Variants in CPT1A observed in about 807,000 individuals in gnomAD.
CPT1A encodes the protein carnitine palmitoyltransferase 1A.
In CPT1A, 64 loss-of-function variants were observed where a neutral mutation model predicts 100.8. The observed-to-expected ratio is 0.63, with a 90% CI of 0.52 to 0.78. The LOEUF (loss-of-function observed/expected upper bound fraction) is 0.78, where lower values mean the gene tolerates loss of function less well. Among genes scored for constraint, CPT1A ranks in the 30% least tolerant of loss-of-function variants. The probability of loss-of-function intolerance (pLI) is 0.00; values close to 1 mark genes in which losing one functional copy is unlikely to be tolerated. For missense variants in CPT1A, 802 were observed against 1,034.1 expected (o/e 0.78, Z 3.08); for synonymous variants, 363 against 396.0 (o/e 0.92, Z 0.99).
intron 2 of CPT1A, among the ~76,000 whole-genome samples, chr11:68,813,608 A>G (rs1856285321): frequency 6.7e-6 from 1 of 149,674 alleles, no homozygotes; most frequent in Non-Finnish European, 1.5e-5. Context: ...TGGATGAGAC[A>G]GGAGGATTGC....
At chr11:68,837,931 G>T (rs1214643658) in intron 1 of CPT1A, among the ~76,000 whole-genome samples, 1 of 152,188 alleles carries the variant, frequency 6.6e-6, no homozygotes. Flanking sequence ...TGAATGTAAG[G>T]GTGAGTTAGG....
intron 12 of CPT1A, among the ~76,000 whole-genome samples, chr11:68,780,130 G>A (rs1406207851): frequency 1.3e-5 from 2 of 152,180 alleles, no homozygotes; most frequent in African/African-American, 4.8e-5. Flanking sequence ...ATGCACTGCT[G>A]TTCAAGGGAC....
chr11:68,830,431 A>C (rs181878224), intron 1 of CPT1A, among the ~76,000 whole-genome samples: 185 of 152,284 alleles, frequency 1.2e-3, no homozygotes, highest in African/African-American at 4.3e-3. Flanking sequence ...GCCAGGCCAC[A>C]TGCCATCCTG....
At chr11:68,825,023 T>C (rs57026200) in intron 1 of CPT1A, among the ~76,000 whole-genome samples, 5,463 of 152,144 alleles carry the variant, frequency 0.036, 327 homozygotes, top group African/African-American at 0.12. Flanking sequence ...GGTCTTGAAC[T>C]CCTGACCTCA....
chr11:68,781,221 A>G (rs906088093), intron 11 of CPT1A, among the ~76,000 whole-genome samples: 4 of 152,218 alleles, frequency 2.6e-5, no homozygotes, highest in Non-Finnish European at 5.9e-5. Context: ...GCAGCCCTGC[A>G]TCTCATGAGC....
chr11:68,782,709 C>T (rs976482424), intron 10 of CPT1A, among the ~76,000 whole-genome samples: 10 of 152,334 alleles, frequency 6.6e-5, no homozygotes, highest in African/African-American at 1.9e-4. Context: ...CCTTCCAGAT[C>T]GGGGCCATCT....
chr11:68,797,096 T>C (rs2154000037), intron 6 of CPT1A, among the ~76,000 whole-genome samples, 163 bp from the exon 7 acceptor site: 1 of 152,120 alleles, frequency 6.6e-6, no homozygotes, highest in South Asian at 2.1e-4. Flanking sequence ...CCTAACTAGA[T>C]GGAATGCGAC....
downstream of CPT1A, chr11:68,754,759 A>C (rs1305736452): frequency 1.3e-6 from 1 of 777,492 alleles, no homozygotes; most frequent in African/African-American, 1.7e-5. Context: ...GAACTTGGTG[A>C]TGTCCATGGT....
chr11:68,838,043 C>T (rs1857053624), intron 1 of CPT1A, among the ~76,000 whole-genome samples: 1 of 151,996 alleles, frequency 6.6e-6, no homozygotes, highest in East Asian at 1.9e-4. Flanking sequence ...ACAAACCACC[C>T]GCATCAGGAG....
Position 68,762,690 on chromosome 11 carries a change from G to A in CPT1A, c.1812C>T (p.Thr604=), listed in dbSNP as rs772047118. 22 of 1,613,882 alleles carry A rather than the reference G, an allele frequency of 1.4e-5. No homozygotes were observed. The highest frequency in any genetic ancestry group is 8.3e-5 in the Admixed American group (5 of 60,006). ...ATGACTCAGTGGTGCAGGAGCGCACGGTCTCCGTCCTCCCCTCTCGGAAGA... is the reference window on the plus strand; with the variant it reads ...ATGACTCAGTGGTGCAGGAGCGCACAGTCTCCGTCCTCCCCTCTCGGAAGA... ...TRLFREGRTE[T]VRSCTTESCD... The change falls in exon 15 of 19, where the codon ACC becomes ACT. Residue 604 remains threonine, a synonymous_variant. Coordinates refer to ENST00000265641, the MANE Select transcript of CPT1A (RefSeq NM_001876.4).
At chr11:68,765,016 G>A (rs559694172) in intron 14 of CPT1A, among the ~76,000 whole-genome samples, 1 of 152,192 alleles carries the variant, frequency 6.6e-6, no homozygotes, top group African/African-American at 2.4e-5. Flanking sequence ...GGGAGCGGGG[G>A]TCACAGGCCT....
intron 7 of CPT1A, 96 bp downstream of exon 7, chr11:68,796,760 C>T: frequency 5.7e-6 from 7 of 1,233,762 alleles, no homozygotes; most frequent in Non-Finnish European, 8.2e-6. Flanking sequence ...CAGAGTTTTC[C>T]CAGGCCGTCC....
chr11:68,789,736 T>C (rs1855563898), intron 9 of CPT1A, among the ~76,000 whole-genome samples: 1 of 152,196 alleles, frequency 6.6e-6, no homozygotes, highest in African/African-American at 2.4e-5. Flanking sequence ...CCAGTGATGT[T>C]GAATGCTTTT....
chr11:68,813,357 C>T (rs1460078095), intron 2 of CPT1A, among the ~76,000 whole-genome samples: 2 of 151,728 alleles, frequency 1.3e-5, no homozygotes, highest in African/African-American at 2.4e-5. Context: ...ATGGTGAAAT[C>T]CTGTTTCTAC....
At position 68,757,189 on chromosome 11, in the gene CPT1A, C is replaced by T. The variant is rs554624367; in HGVS notation, c.*455G>A. On this transcript the variant is annotated 3_prime_UTR_variant, in exon 19 of 19. Transcript: ENST00000265641. ...TGCATTCCAGATGTGTTAGCTACAACTGGGGACACCAACTTGAATAACACA... is the reference window on the plus strand; with the variant it reads ...TGCATTCCAGATGTGTTAGCTACAATTGGGGACACCAACTTGAATAACACA... The T allele has an allele frequency of 1.2e-5, 7 of 569,596 alleles. No homozygotes were observed. The African/African-American group carries it at 1.4e-4, about 11-fold the overall frequency. The allele number at this position is 569,596 out of a possible 1,614,324, so 35.3% of individuals were successfully genotyped here.
chr11:68,840,558 ACCGAAAGCCTGTG>A (rs1223830709), intron 1 of CPT1A, among the ~76,000 whole-genome samples: 1 of 152,230 alleles, frequency 6.6e-6, no homozygotes, highest in Non-Finnish European at 1.5e-5. Flanking sequence ...GCCGAGAGGA[ACCGAAAGCCTGTG>A]CCGAGTTGGG....
chr11:68,837,197 G>A (rs931996701), intron 1 of CPT1A, among the ~76,000 whole-genome samples: 3 of 152,158 alleles, frequency 2.0e-5, no homozygotes, highest in Non-Finnish European at 4.4e-5. Context: ...TTACAGGCGT[G>A]CATCACCATG....
intron 3 of CPT1A, among the ~76,000 whole-genome samples, chr11:68,808,913 C>A (rs1291364076): frequency 6.7e-6 from 1 of 148,658 alleles, no homozygotes; most frequent in African/African-American, 2.5e-5. Flanking sequence ...CGAGACCAGC[C>A]TGGACAACAT....
At chr11:68,788,630 T>TAAAAAAAAAAAAAAAAAAAAAA in intron 9 of CPT1A, among the ~76,000 whole-genome samples, 2 of 27,548 alleles carry the variant, frequency 7.3e-5, no homozygotes, top group Admixed American at 5.6e-4. Context: ...CAAACAAAAG[T>TAAAAAAAAAAAAAAAAAAAAAA]AAAAAAAAAA....
Sources: allele counts gnomAD v4.1 joint callset (sites outside exome capture counted in the v4.1 genomes callset), GRCh38; gene constraint gnomAD v4.1.1; transcripts MANE v1.5; gene names NCBI Gene and HGNC (gene_info 2026-07-23, HGNC 2026-07-21).